The following PATL1 variants were observed in gnomAD, a reference collection of about 807,000 sequenced individuals.
PATL1 encodes the protein protein PAT1 homolog 1.
Under a neutral mutation model 100.6 loss-of-function variants are expected in PATL1, and 32 were observed. The ratio of observed to expected loss-of-function variants is 0.32; its 90% CI spans 0.24 to 0.43. PATL1 has a LOEUF of 0.43. Among genes scored for constraint, PATL1 ranks in the 20% least tolerant of loss-of-function variants. The probability of loss-of-function intolerance (pLI) is 1.00; values close to 1 mark genes in which losing one functional copy is unlikely to be tolerated. For missense variants in PATL1, 747 were observed against 949.9 expected (o/e 0.79, Z 2.81); for synonymous variants, 332 against 330.0 (o/e 1.01, Z -0.07).
At chr11:59,647,216 CTG>C (rs994581616) in intron 15 of PATL1, among the ~76,000 whole-genome samples, 1 of 112,018 alleles carries the variant, frequency 8.9e-6, no homozygotes, top group African/African-American at 3.9e-5. Flanking sequence ...GAGCAAAACT[CTG>C]TCTCAAAAAA....
intron 15 of PATL1, among the ~76,000 whole-genome samples, chr11:59,644,447 T>C (rs1352552284): frequency 1.3e-5 from 2 of 152,162 alleles, no homozygotes; most frequent in African/African-American, 2.4e-5. Flanking sequence ...AGAACCATTA[T>C]TGTGCTAATT....
intron 13 of PATL1, 99 bp from the exon 14 acceptor site, chr11:59,649,709 T>A: frequency 1.6e-6 from 2 of 1,218,918 alleles, no homozygotes; most frequent in Non-Finnish European, 1.1e-6. Flanking sequence ...AAAGACAAAC[T>A]CATTATAGAA....
In PATL1 at chr11:59,659,180, A is replaced by G. The variant is rs1051879388; in HGVS notation, c.345+72T>C. ...ATCTCTCATTATAATAGATAAAATA[A>G]AATGGCAAAGTTCAATACTTCACTT... is the stretch of plus-strand genomic sequence containing the variant. On this transcript the variant is annotated intron_variant, in intron 3 of 18. Transcript: ENST00000300146. The G allele has an allele frequency of 3.5e-5, 46 of 1,329,572 alleles. No homozygotes were observed. The African/African-American group carries it at 6.5e-4, about 19-fold the overall frequency. 82.4% of individuals were successfully genotyped at this position (1,329,572 alleles called of 1,614,324 possible).
Position 59,657,061 on chromosome 11 carries a change from C to T in PATL1, c.622-461G>A, listed in dbSNP as rs1025487251. The stretch of plus-strand genomic sequence containing the variant: ...TTTGAGCCTAACTAGGCCATACCAA[C>T]ACCACCCTCCCCCCATACCTTCCAA... On this transcript the variant is annotated intron_variant, in intron 5 of 18. Transcript: ENST00000300146. 20 of 983,496 alleles carry T rather than the reference C, an allele frequency of 2.0e-5. No individual in the cohort carries two copies. In the African/African-American group the frequency reaches 3.3e-4, roughly 16 times the overall value. The allele number at this position is 983,496 out of a possible 1,614,324, so 60.9% of individuals were successfully genotyped here. A position where few individuals can be genotyped will look rare whatever the true frequency, so the allele number is the denominator to read the frequency against.
intron 13 of PATL1, among the ~76,000 whole-genome samples, chr11:59,649,884 G>A (rs1218207118): frequency 1.3e-5 from 2 of 152,098 alleles, no homozygotes; most frequent in Non-Finnish European, 2.9e-5. Flanking sequence ...CACTTTGGGA[G>A]GCTGAGATGG....
chr11:59,640,325 G>C, intron 16 of PATL1, among the ~76,000 whole-genome samples: 1 of 145,424 alleles, frequency 6.9e-6, no homozygotes, highest in East Asian at 2.0e-4. Flanking sequence ...TGGGCAACAC[G>C]AGTGAAACTC....
In PATL1 at chr11:59,668,889, G is replaced by T; in HGVS notation, c.7C>A (p.Arg3Ser). The T allele has an allele frequency of 1.7e-6, 2 of 1,201,488 alleles. No individual in the cohort carries two copies. The highest frequency in any genetic ancestry group is 2.2e-6 in the Non-Finnish European group (2 of 900,108). The allele number at this position is 1,201,488 out of a possible 1,614,324, so 74.4% of individuals were successfully genotyped here. MF[R>S]YESLEDCPLD... ...CGGTCGCAACAGCTCACCTCGTAGC[G>T]GAACATTCTTGGGGAGGGGGGCAGG... Residue 3 changes from arginine (R) to serine (S), a missense_variant, in exon 1 of 19, where the codon CGC becomes AGC. Physicochemically the swap from Arg to Ser is moderately radical, Grantham distance 110. Coordinates refer to ENST00000300146, the MANE Select transcript of PATL1 (RefSeq NM_152716.3).
intron 16 of PATL1, among the ~76,000 whole-genome samples, chr11:59,640,382 T>TAAAACAC (rs1861259117): frequency 6.6e-6 from 1 of 151,150 alleles, no homozygotes; most frequent in Non-Finnish European, 1.5e-5. Context: ...ATGTGTTTTA[T>TAAAACAC]TTAGTGGACA....
chr11:59,649,850 G>A (rs984065298), intron 13 of PATL1, among the ~76,000 whole-genome samples: 6 of 151,776 alleles, frequency 4.0e-5, no homozygotes, highest in Non-Finnish European at 5.9e-5. Flanking sequence ...GTCTAGACGC[G>A]GTGGCTCACG....
intron 15 of PATL1, among the ~76,000 whole-genome samples, chr11:59,644,729 G>C (rs906269727): frequency 6.6e-6 from 1 of 151,980 alleles, no homozygotes; most frequent in Non-Finnish European, 1.5e-5. Flanking sequence ...GTGAGAAAAC[G>C]TCATGGATAG....
rs1230637457 is a variant in PATL1, at chr11:59,658,891, C to T, written c.401G>A (p.Arg134Gln). ...CTGAGCAAGCAGTGGTCCTCGGATT[C>T]GCCTCAGAACTTCAGATCCATCCCA... Reference protein sequence around the residue: ...SIWDGSEVLRRIRGPLLAQEM... With the variant: ...SIWDGSEVLRQIRGPLLAQEM... Residue 134 changes from arginine to glutamine, a missense_variant, in exon 4 of 19, where the codon CGA (arginine) becomes CAA (glutamine). Physicochemically the swap from Arg to Gln is conservative, Grantham distance 43. Around this residue, in one of 4 missense-constraint regions of PATL1, gnomAD observed 183 missense variants for 221.2 expected, o/e 0.83. Coordinates refer to ENST00000300146, the MANE Select transcript of PATL1 (RefSeq NM_152716.3). The T allele has an allele frequency of 9.7e-6, 15 of 1,549,134 alleles. No individual in the cohort carries two copies. The highest frequency in any genetic ancestry group is 1.4e-5 in the African/African-American group (1 of 72,870).
intron 3 of PATL1, 125 bp downstream of exon 3, chr11:59,659,122 AAATAT>A (rs1358728117): frequency 4.1e-6 from 4 of 983,518 alleles, no homozygotes; most frequent in Non-Finnish European, 6.1e-6. Flanking sequence ...TATCATCAGG[AAATAT>A]ATTATCAATT....
chr11:59,643,689 C>T (rs1301394264), intron 15 of PATL1, among the ~76,000 whole-genome samples: 1 of 152,206 alleles, frequency 6.6e-6, no homozygotes, highest in Middle Eastern at 3.4e-3. Flanking sequence ...GAGACCCACC[C>T]TGTCTCAAAA....
At chr11:59,664,251 C>T (rs138624159) in intron 2 of PATL1, among the ~76,000 whole-genome samples, 158 of 152,188 alleles carry the variant, frequency 1.0e-3, no homozygotes, top group African/African-American at 3.6e-3. Flanking sequence ...TATAAAATAC[C>T]GTTCCGGACA....
chr11:59,652,431 T>C, intron 11 of PATL1, 33 bp downstream of exon 11: 1 of 1,583,526 alleles, frequency 6.3e-7, no homozygotes, highest in Non-Finnish European at 8.6e-7. Flanking sequence ...CAAATTTCTT[T>C]TATTATGGGC....
rs756310413 is a variant in PATL1 at position 59,654,048 on chromosome 11, C to T, written c.1056G>A (p.Pro352=). 30 of 1,613,448 alleles carry T rather than the reference C, an allele frequency of 1.9e-5. No homozygotes were observed. The highest frequency in any genetic ancestry group is 1.8e-4 in the East Asian group (8 of 44,876). ...NLRSQAPMFR[P]DTTHLHPQHR... is the part of the protein sequence containing the mutation. ...GCTGTGGATGGAGGTGAGTTGTGTC[C>T]GGTCTAAACATTGGGGCCTGAGATC... Residue 352 remains proline (P), a synonymous_variant, in exon 9 of 19, where the codon CCG becomes CCA. Transcript: ENST00000300146.
At chr11:59,666,014 G>A (rs1365083573) in intron 2 of PATL1, among the ~76,000 whole-genome samples, 2 of 152,058 alleles carry the variant, frequency 1.3e-5, no homozygotes, top group Non-Finnish European at 2.9e-5. Context: ...TAGGCTGGGC[G>A]CGGTGGCTCA....
At chr11:59,663,224 T>C (rs1861649739) in intron 2 of PATL1, among the ~76,000 whole-genome samples, 1 of 151,756 alleles carries the variant, frequency 6.6e-6, no homozygotes, top group Non-Finnish European at 1.5e-5. Flanking sequence ...AACTAACCTA[T>C]ACTCTGATAC....
At chr11:59,666,763 T>A (rs545648819) in intron 2 of PATL1, 90 bp downstream of exon 2, 8 of 1,326,260 alleles carry the variant, frequency 6.0e-6, no homozygotes, top group Non-Finnish European at 8.1e-6. Flanking sequence ...TGAATAAGGT[T>A]ACCCCTAATA....
Sources: allele counts gnomAD v4.1 joint callset (sites outside exome capture counted in the v4.1 genomes callset), GRCh38; gene constraint gnomAD v4.1.1; regional missense constraint gnomAD v4.1.1; transcripts MANE v1.5; gene names NCBI Gene and HGNC (gene_info 2026-07-23, HGNC 2026-07-21).